Variants in RAB38 observed in about 807,000 individuals in gnomAD.
RAB38 encodes ras-related protein Rab-38.
A neutral mutation model predicts 18.4 loss-of-function variants in RAB38; 15 were observed. The ratio of observed to expected loss-of-function variants is 0.82; its 90% CI spans 0.55 to 1.26. RAB38 has a LOEUF of 1.26. Among genes scored for constraint, RAB38 ranks in the 50% most tolerant of loss-of-function variants. The pLI is 0.00. For synonymous variants in RAB38, 101 were observed against 104.4 expected (o/e 0.97, Z 0.20); for missense variants, 294 against 267.4 (o/e 1.10, Z -0.69).
At chr11:88,025,416 C>T in the RAB38 span, among the ~76,000 whole-genome samples, 1 of 152,092 alleles carries the variant, frequency 6.6e-6, no homozygotes, top group Non-Finnish European at 1.5e-5. Flanking sequence ...ATTGCTAGGT[C>T]AAATGGTAGC....
chr11:88,075,655 C>T, the RAB38 span, among the ~76,000 whole-genome samples: 1 of 152,040 alleles, frequency 6.6e-6, no homozygotes, highest in South Asian at 2.1e-4. Context: ...TCAAGCTGGG[C>T]AGATCACTTG....
the RAB38 span, among the ~76,000 whole-genome samples, chr11:87,957,505 A>G: frequency 6.6e-6 from 1 of 152,192 alleles, no homozygotes; most frequent in African/African-American, 2.4e-5. Context: ...AAAAGTTGTG[A>G]AGAAGCATGA....
At chr11:88,073,290 C>T in the RAB38 span, among the ~76,000 whole-genome samples, 1 of 152,198 alleles carries the variant, frequency 6.6e-6, no homozygotes, top group Non-Finnish European at 1.5e-5. Context: ...GGATGTTCAA[C>T]AGAACCATGC....
the RAB38 span, among the ~76,000 whole-genome samples, chr11:87,904,481 C>T: frequency 6.6e-6 from 1 of 151,688 alleles, no homozygotes; most frequent in South Asian, 2.1e-4. Flanking sequence ...TTTTCCTTAT[C>T]CAATACACCA....
the RAB38 span, among the ~76,000 whole-genome samples, chr11:88,020,240 T>C: frequency 2.0e-5 from 3 of 151,872 alleles, no homozygotes; most frequent in East Asian, 1.9e-4. Flanking sequence ...GAGACACACA[T>C]AGACTGAAAA....
the RAB38 span, among the ~76,000 whole-genome samples, chr11:87,894,619 A>G: frequency 6.6e-6 from 1 of 151,544 alleles, no homozygotes; most frequent in Non-Finnish European, 1.5e-5. Flanking sequence ...GATAGTGATG[A>G]TATTCATTCC....
At chr11:87,834,514 T>C in the RAB38 span, among the ~76,000 whole-genome samples, 5 of 152,176 alleles carry the variant, frequency 3.3e-5, no homozygotes, top group Admixed American at 1.3e-4. Flanking sequence ...GGCTTAGTTA[T>C]GACTGGAAGT....
the RAB38 span, among the ~76,000 whole-genome samples, chr11:87,927,129 C>A: frequency 6.6e-6 from 1 of 151,960 alleles, no homozygotes; most frequent in African/African-American, 2.4e-5. Flanking sequence ...AGAGGCGTCC[C>A]ACTAAAAATA....
the RAB38 span, among the ~76,000 whole-genome samples, chr11:88,024,781 C>T: frequency 1.3e-5 from 2 of 152,110 alleles, no homozygotes; most frequent in Non-Finnish European, 2.9e-5. Flanking sequence ...ATCTCATGTT[C>T]TCACTTACTT....
chr11:88,018,151 T>C, the RAB38 span, among the ~76,000 whole-genome samples: 31 of 152,174 alleles, frequency 2.0e-4, no homozygotes, highest in African/African-American at 7.5e-4. Flanking sequence ...AACGGAGTAA[T>C]GCACAGACCT....
At chr11:88,060,414 T>C in the RAB38 span, 2 of 152,228 alleles carry the variant, frequency 1.3e-5, no homozygotes, top group African/African-American at 4.8e-5. Context: ...AATACAATTA[T>C]TATTTTACTT....
the RAB38 span, among the ~76,000 whole-genome samples, chr11:87,948,598 A>C: frequency 6.6e-6 from 1 of 152,042 alleles, no homozygotes; most frequent in African/African-American, 2.4e-5. Context: ...GAGAGTTTTT[A>C]GCATGAAGGG....
At chr11:88,133,790 A>G (rs1276575698) in intron 2 of RAB38, among the ~76,000 whole-genome samples, 1 of 152,214 alleles carries the variant, frequency 6.6e-6, no homozygotes, top group Non-Finnish European at 1.5e-5. Flanking sequence ...ATAGAAAAAA[A>G]AGAGTGAAAA....
the RAB38 span, among the ~76,000 whole-genome samples, chr11:88,022,345 T>A: frequency 6.6e-6 from 1 of 151,092 alleles, no homozygotes; most frequent in East Asian, 1.9e-4. Context: ...AGAAGGAACA[T>A]ATCTGAATGT....
At chr11:88,165,140 A>G (rs1179377228) in intron 1 of RAB38, among the ~76,000 whole-genome samples, 1 of 152,164 alleles carries the variant, frequency 6.6e-6, no homozygotes, top group Admixed American at 6.6e-5. Flanking sequence ...TATAATGAGC[A>G]CCTTCTAAAA....
the RAB38 span, among the ~76,000 whole-genome samples, chr11:87,948,213 T>G: frequency 6.6e-6 from 1 of 152,204 alleles, no homozygotes; most frequent in African/African-American, 2.4e-5. Context: ...TATTGGTGTA[T>G]AAGAATCCTT....
At chr11:87,832,490 T>C in the RAB38 span, among the ~76,000 whole-genome samples, 42 of 152,174 alleles carry the variant, frequency 2.8e-4, no homozygotes, top group Non-Finnish European at 5.4e-4. Flanking sequence ...TCTGAGCTCA[T>C]TGAGATTATT....
At chr11:88,157,848 T>C (rs1943144423) in intron 1 of RAB38, among the ~76,000 whole-genome samples, 1 of 152,250 alleles carries the variant, frequency 6.6e-6, no homozygotes, top group Middle Eastern at 3.4e-3. Flanking sequence ...GGAAAGTTTA[T>C]GGTGTTAAAT....
intron 1 of RAB38, among the ~76,000 whole-genome samples, chr11:88,151,570 A>G (rs568664079): frequency 6.6e-6 from 1 of 152,354 alleles, no homozygotes; most frequent in Admixed American, 6.5e-5. Flanking sequence ...AAATTAAAAT[A>G]AAGTTAGTGT....
Sources: allele counts gnomAD v4.1 joint callset (sites outside exome capture counted in the v4.1 genomes callset), GRCh38; gene constraint gnomAD v4.1.1; transcripts MANE v1.5; gene names NCBI Gene and HGNC (gene_info 2026-07-23, HGNC 2026-07-21).